Variants in ZNF682 observed in about 807,000 individuals in gnomAD.
The protein encoded by ZNF682 is zinc finger protein 682.
Under a neutral mutation model 36.5 loss-of-function variants are expected in ZNF682, and 29 were observed. The ratio of observed to expected loss-of-function variants is 0.80; its 90% CI spans 0.59 to 1.08. The LOEUF (loss-of-function observed/expected upper bound fraction) is 1.08. Among genes scored for constraint, ZNF682 ranks in the 50% least tolerant of loss-of-function variants. The probability of loss-of-function intolerance (pLI) is 0.00; values close to 1 mark genes in which losing one functional copy is unlikely to be tolerated. For missense variants in ZNF682, 561 were observed against 579.7 expected (o/e 0.97, Z 0.33); for synonymous variants, 180 against 197.0 (o/e 0.91, Z 0.72).
chr19:20,006,270 A>G lies in ZNF682; in HGVS notation c.1232T>C (p.Ile411Thr), dbSNP rs775704129. Residue 411 changes from isoleucine to threonine, a missense_variant, in exon 4 of 4, where the codon ATC (isoleucine) becomes ACC (threonine). Ile to Thr is a moderately conservative substitution (Grantham distance 89, BLOSUM62 -1). Transcript: ENST00000397165. ...ATGAATTCTCTTATGTTCAGTAAGGATTGAGGACCAGTTAAAAGCTTTGCC... is the reference window on the plus strand; with the variant it reads ...ATGAATTCTCTTATGTTCAGTAAGGGTTGAGGACCAGTTAAAAGCTTTGCC... ...ECGKAFNWSS[I>T]LTEHKRIHTG... is the part of the protein sequence containing the mutation. 1 of 1,612,638 alleles carries G rather than the reference A, an allele frequency of 6.2e-7. No individual in the cohort carries two copies. The highest frequency in any genetic ancestry group is 8.5e-7 in the Non-Finnish European group (1 of 1,179,646).
chr19:20,023,824 A>G (rs2088408615), intron 2 of ZNF682, among the ~76,000 whole-genome samples: 2 of 151,998 alleles, frequency 1.3e-5, no homozygotes, highest in Admixed American at 1.3e-4. Context: ...TTTACTAAAA[A>G]TACAAAAATT....
chr19:20,030,000 A>G (rs1182666376), intron 1 of ZNF682, among the ~76,000 whole-genome samples: 1 of 152,160 alleles, frequency 6.6e-6, no homozygotes, highest in African/African-American at 2.4e-5. Context: ...GAGGCCTCAG[A>G]AGAGGTGAAA....
intron 3 of ZNF682, among the ~76,000 whole-genome samples, chr19:20,010,923 C>T (rs1241985422): frequency 6.6e-6 from 1 of 151,896 alleles, no homozygotes; most frequent in Non-Finnish European, 1.5e-5. Flanking sequence ...CGAGATCGTG[C>T]CACTTCACTC....
At chr19:20,003,427 G>A (rs903238747), downstream of ZNF682, among the ~76,000 whole-genome samples, 6 of 151,582 alleles carry the variant, frequency 4.0e-5, no homozygotes, top group African/African-American at 7.3e-5. Context: ...AAAACTGGCC[G>A]GGCATGGTGG....
At chr19:20,010,552 G>A (rs1389978444) in intron 3 of ZNF682, among the ~76,000 whole-genome samples, 2 of 152,068 alleles carry the variant, frequency 1.3e-5, no homozygotes, top group African/African-American at 4.8e-5. Flanking sequence ...CCAGGTACTC[G>A]GGAGGCTGAG....
Position 20,015,222 on chromosome 19 carries a change from C to A in ZNF682, c.226+7782G>T, listed in dbSNP as rs183628582. 1.3e-3 allele frequency: 1,264 copies of A among 985,192 alleles called. 5 individuals are homozygous for A. Among genetic ancestry groups the A allele is most frequent in the Non-Finnish European group, 1.5e-3 (1,209 of 829,816 alleles). The allele number at this position is 985,192 out of a possible 1,614,324, so 61.0% of individuals were successfully genotyped here. Reference sequence around the variant, plus strand: ...TCACAAAAAGAAAATATACATCCACCAATGAATAGATGTTGAATTTACAAC... The same window carrying A: ...TCACAAAAAGAAAATATACATCCACAAATGAATAGATGTTGAATTTACAAC... On this transcript the variant is annotated intron_variant, in intron 3 of 3. Transcript: ENST00000397165.
intron 3 of ZNF682, chr19:20,015,906 C>A (rs749444893): frequency 2.5e-6 from 1 of 395,922 alleles, no homozygotes; most frequent in Non-Finnish European, 4.5e-6. Flanking sequence ...TTGTAAAATA[C>A]GGTATAAAAC....
intron 3 of ZNF682, among the ~76,000 whole-genome samples, chr19:20,020,594 C>G (rs902772383): frequency 6.6e-6 from 1 of 152,144 alleles, no homozygotes; most frequent in African/African-American, 2.4e-5. Flanking sequence ...GAAATAAAAT[C>G]AGTATTTCTA....
chr19:20,032,981 T>C (rs1368702711), intron 1 of ZNF682, among the ~76,000 whole-genome samples: 1 of 152,162 alleles, frequency 6.6e-6, no homozygotes, highest in East Asian at 1.9e-4. Flanking sequence ...GTAGAAACTG[T>C]GGTGCCAGGT....
exon 4 of ZNF682, chr19:19,997,174 G>A (rs759375955): frequency 6.3e-5 from 25 of 398,648 alleles, no homozygotes; most frequent in Non-Finnish European, 9.7e-5. Flanking sequence ...GGATCCTCCA[G>A]GTTTCCAGGG....
intron 1 of ZNF682, among the ~76,000 whole-genome samples, chr19:20,033,158 T>C (rs2122388221): frequency 6.6e-6 from 1 of 152,112 alleles, no homozygotes; most frequent in East Asian, 1.9e-4. Flanking sequence ...TCTCAGCTAC[T>C]TGGGAGGCTG....
At chr19:20,038,821 C>A (rs767065148) in intron 1 of ZNF682, among the ~76,000 whole-genome samples, 19 of 152,192 alleles carry the variant, frequency 1.2e-4, no homozygotes, top group Admixed American at 2.6e-4. Context: ...CTTCATCCTG[C>A]ACTTTATAAA....
downstream of ZNF682, among the ~76,000 whole-genome samples, chr19:19,999,879 T>A (rs1599598428): frequency 6.6e-6 from 1 of 152,158 alleles, no homozygotes; most frequent in South Asian, 2.1e-4. Context: ...ACCTGATAAA[T>A]TCCCTAGGAG....
At chr19:20,023,360 G>A (rs1336913134) in intron 2 of ZNF682, among the ~76,000 whole-genome samples, 7 of 151,926 alleles carry the variant, frequency 4.6e-5, no homozygotes, top group Admixed American at 6.6e-5. Flanking sequence ...AGCAAGGTGT[G>A]GTGGCACGTG....
chr19:20,007,519 A>C (rs1177064660), intron 3 of ZNF682: 2 of 417,818 alleles, frequency 4.8e-6, no homozygotes, highest in East Asian at 8.2e-5. Context: ...GAAGATGGGA[A>C]GCTTGCTCAA....
At chr19:20,011,813 G>A (rs926595157) in intron 3 of ZNF682, among the ~76,000 whole-genome samples, 12 of 152,202 alleles carry the variant, frequency 7.9e-5, no homozygotes, top group East Asian at 7.7e-4. Context: ...CGAGGCAGGC[G>A]GATCACGAGA....
chr19:20,039,222 G>T, intron 1 of ZNF682, 121 bp downstream of exon 1: 1 of 1,494,018 alleles, frequency 6.7e-7, no homozygotes, highest in Non-Finnish European at 8.9e-7. Flanking sequence ...TGCCTGCCGG[G>T]GACTCCAGTC....
chr19:19,998,950 C>G (rs773028635), intron 3 of ZNF682, among the ~76,000 whole-genome samples: 1 of 152,000 alleles, frequency 6.6e-6, no homozygotes, highest in Non-Finnish European at 1.5e-5. Context: ...CCTATATTTG[C>G]GTGAAAATTC....
At chr19:20,017,333 A>C (rs1368409085) in intron 3 of ZNF682, among the ~76,000 whole-genome samples, 1 of 152,176 alleles carries the variant, frequency 6.6e-6, no homozygotes, top group Non-Finnish European at 1.5e-5. Context: ...TTTTAGTTTT[A>C]AGGAGACAAA....
Sources: allele counts gnomAD v4.1 joint callset (sites outside exome capture counted in the v4.1 genomes callset), GRCh38; gene constraint gnomAD v4.1.1; transcripts MANE v1.5; gene names NCBI Gene and HGNC (gene_info 2026-07-23, HGNC 2026-07-21).